The following UBAC2 variants were observed in gnomAD, a reference collection of about 807,000 sequenced individuals.
UBAC2 encodes ubiquitin-associated domain-containing protein 2.
A neutral mutation model predicts 44.0 loss-of-function variants in UBAC2; 26 were observed. The observed-to-expected ratio is 0.59, with a 90% CI of 0.43 to 0.82. The LOEUF is 0.82. Among genes scored for constraint, UBAC2 ranks in the 40% least tolerant of loss-of-function variants. UBAC2 has a pLI of 0.00. For synonymous variants in UBAC2, 155 were observed against 154.3 expected (o/e 1.00, Z -0.04); for missense variants, 329 against 419.4 (o/e 0.78, Z 1.88).
At chr13:99,235,714 C>T (rs947539851) in intron 1 of UBAC2, among the ~76,000 whole-genome samples, 3 of 152,124 alleles carry the variant, frequency 2.0e-5, no homozygotes, top group Admixed American at 6.6e-5. Context: ...GTGGCTCATG[C>T]CTATCATCCT....
intron 7 of UBAC2, among the ~76,000 whole-genome samples, chr13:99,342,982 C>A (rs558838656): frequency 7.6e-4 from 116 of 152,320 alleles, no homozygotes; most frequent in Non-Finnish European, 1.8e-4. Flanking sequence ...GGCTGTTTTC[C>A]CCTCTGTCAC....
At chr13:99,285,583 C>T (rs907249397) in intron 4 of UBAC2, among the ~76,000 whole-genome samples, 2 of 151,790 alleles carry the variant, frequency 1.3e-5, no homozygotes, top group South Asian at 2.1e-4. Flanking sequence ...ATAGAGACAA[C>T]GTCTCGTTAT....
At position 99,340,318 on chromosome 13, in the gene UBAC2, A is replaced by G; in HGVS notation, c.562-2A>G. ...CAATCACATTGGACGTTTTTCTTCT[A>G]GATGTCCGGTCTGTGCTACGACAGC... On this transcript the variant is annotated splice_acceptor_variant, in intron 6 of 8. Transcript: ENST00000403766. LOFTEE classifies it high-confidence loss of function. 1 of 1,612,718 alleles carries G rather than the reference A, an allele frequency of 6.2e-7. No homozygotes were observed. The highest frequency in any genetic ancestry group is 1.1e-5 in the South Asian group (1 of 90,802).
intron 4 of UBAC2, among the ~76,000 whole-genome samples, chr13:99,311,006 A>C (rs2044404654): frequency 6.6e-6 from 1 of 152,228 alleles, no homozygotes; most frequent in South Asian, 2.1e-4. Flanking sequence ...CCCATTAAAA[A>C]TGATAAAAAG....
chr13:99,375,413 C>T (rs576060519), intron 8 of UBAC2, among the ~76,000 whole-genome samples: 5 of 152,256 alleles, frequency 3.3e-5, no homozygotes, highest in African/African-American at 7.2e-5. Context: ...AACAGGTAAC[C>T]GGTGCCAGTT....
intron 7 of UBAC2, among the ~76,000 whole-genome samples, chr13:99,343,547 A>C (rs1191187340): frequency 3.3e-5 from 5 of 152,222 alleles, no homozygotes; most frequent in African/African-American, 1.2e-4. Flanking sequence ...CCACTTTCAT[A>C]GGATGGTCTC....
At chr13:99,282,381 C>T (rs1412885096) in intron 4 of UBAC2, among the ~76,000 whole-genome samples, 1 of 152,136 alleles carries the variant, frequency 6.6e-6, no homozygotes, top group African/African-American at 2.4e-5. Context: ...TAGTAGTTGA[C>T]TGAAATAGCT....
intron 1 of UBAC2, among the ~76,000 whole-genome samples, chr13:99,205,399 C>T (rs535299954): frequency 1.3e-5 from 2 of 152,226 alleles, no homozygotes; most frequent in African/African-American, 2.4e-5. Flanking sequence ...CTCTTGGTCA[C>T]GGAGCGGTGG....
At chr13:99,286,729 C>T (rs977117482) in intron 4 of UBAC2, among the ~76,000 whole-genome samples, 22 of 152,194 alleles carry the variant, frequency 1.4e-4, no homozygotes, top group Non-Finnish European at 2.4e-4. Context: ...CAATGTTTAG[C>T]TCCCACTTAT....
At chr13:99,248,884 C>G (rs889507134) in intron 4 of UBAC2, among the ~76,000 whole-genome samples, 1 of 152,200 alleles carries the variant, frequency 6.6e-6, no homozygotes, top group Non-Finnish European at 1.5e-5. Flanking sequence ...CAGAAGCTCT[C>G]TTCTCTTCTG....
At chr13:99,244,743 G>T in intron 4 of UBAC2, 119 bp downstream of exon 4, 2 of 534,322 alleles carry the variant, frequency 3.7e-6, no homozygotes, top group South Asian at 3.5e-5. Flanking sequence ...TAGTTAAATT[G>T]ATTTTATATG....
intron 4 of UBAC2, chr13:99,254,970 C>A (rs147474658): frequency 1.2e-6 from 2 of 1,613,962 alleles, no homozygotes; most frequent in Non-Finnish European, 1.7e-6. Flanking sequence ...TACGGTATAG[C>A]ATGACACTAA....
chr13:99,247,195 G>GTTTTTT (rs397947831), intron 4 of UBAC2, among the ~76,000 whole-genome samples: 3 of 95,368 alleles, frequency 3.1e-5, no homozygotes, highest in South Asian at 2.8e-4. Flanking sequence ...GAAAACTACT[G>GTTTTTT]TTTTTTTTTT....
intron 2 of UBAC2, 36 bp from the exon 3 acceptor site, chr13:99,243,796 C>T: frequency 6.5e-7 from 1 of 1,538,680 alleles, no homozygotes; most frequent in Non-Finnish European, 8.8e-7. Flanking sequence ...ACAAATTTTA[C>T]TCTTGTTTAT....
chr13:99,316,329 C>T (rs2044489373), intron 5 of UBAC2, among the ~76,000 whole-genome samples: 1 of 152,052 alleles, frequency 6.6e-6, no homozygotes, highest in African/African-American at 2.4e-5. Context: ...CTCCACCTGC[C>T]TCCCTCCCCT....
At chr13:99,379,517 C>T (rs1165586771) in intron 8 of UBAC2, among the ~76,000 whole-genome samples, 1 of 152,240 alleles carries the variant, frequency 6.6e-6, no homozygotes, top group African/African-American at 2.4e-5. Context: ...TTCAGTTCCT[C>T]ATCCTGATAG....
chr13:99,347,331 C>G (rs752238071), intron 7 of UBAC2, among the ~76,000 whole-genome samples: 890 of 79,866 alleles, frequency 0.011, 118 homozygotes, highest in South Asian at 0.05. Flanking sequence ...CCCCCCCCCC[C>G]CCCAGGAAAA....
intron 4 of UBAC2, among the ~76,000 whole-genome samples, chr13:99,263,100 A>C (rs1297646201): frequency 6.6e-6 from 1 of 152,090 alleles, no homozygotes; most frequent in African/African-American, 2.4e-5. Context: ...TTCTTTCTGT[A>C]TTTTGCATTA....
At chr13:99,244,371 A>ATATATACACACATATGCATGTGTG (rs146409182) in intron 3 of UBAC2, 144 bp from the exon 4 acceptor site, 29,434 of 495,496 alleles carry the variant, frequency 0.059, 1,251 homozygotes, top group East Asian at 0.11. Flanking sequence ...AATTTCAAAT[A>ATATATACACACATATGCATGTGTG]TATATACACA....
Sources: gnomAD v4.1 joint callset for allele counts (sites outside exome capture counted in the v4.1 genomes callset) on GRCh38, gnomAD v4.1.1 for gene constraint, MANE v1.5 for transcripts, NCBI Gene and HGNC (gene_info 2026-07-23, HGNC 2026-07-21) for gene names.